Variants in CCNJL observed in about 807,000 individuals in gnomAD.
The protein encoded by CCNJL is cyclin-J-like protein.
In CCNJL, 33 loss-of-function variants were observed where a neutral mutation model predicts 33.4. That is an observed-to-expected ratio of 0.99 (90% CI 0.75 to 1.32). The LOEUF is 1.32. CCNJL is among the 40% of genes most tolerant of loss of function. The probability of loss-of-function intolerance (pLI) is 0.00; values close to 1 mark genes in which losing one functional copy is unlikely to be tolerated. For synonymous variants in CCNJL, 227 were observed against 220.9 expected (o/e 1.03, Z -0.24); for missense variants, 512 against 499.7 (o/e 1.02, Z -0.23).
chr5:160,249,322 A>G lies in CCNJL; in HGVS notation c.*4056T>C, dbSNP rs1390142991. The G allele has an allele frequency of 6.6e-6, 1 of 152,220 alleles. No homozygotes were observed. Among genetic ancestry groups the G allele is most frequent in the Non-Finnish European group, 1.5e-5 (1 of 68,034 alleles). 9.4% of individuals were successfully genotyped at this position (152,220 alleles called of 1,614,324 possible). ...TGGGAAAAATAATTTTAAAAGGTGG[A>G]AAAAGTTCTATTATGTTGACATGCT... On this transcript the variant is annotated 3_prime_UTR_variant, in exon 6 of 6. Coordinates refer to ENST00000257536, the MANE Select transcript of CCNJL (RefSeq NM_001308173.3).
chr5:160,254,307 G>A (rs1176392790), intron 5 of CCNJL: 3 of 671,088 alleles, frequency 4.5e-6, no homozygotes, highest in Admixed American at 4.5e-5. Flanking sequence ...TGACCGCTGG[G>A]GCCTAGGATT....
chr5:160,269,741 CT>C (rs1184904269), intron 3 of CCNJL, among the ~76,000 whole-genome samples: 6 of 152,158 alleles, frequency 3.9e-5, no homozygotes, highest in African/African-American at 1.4e-4. Flanking sequence ...GCGTTCTGAC[CT>C]GAATCTTCCT....
intron 1 of CCNJL, chr5:160,326,941 A>G (rs2113478197): frequency 1.6e-6 from 1 of 628,854 alleles, no homozygotes; most frequent in African/African-American, 1.8e-5. Flanking sequence ...AAAAGGACAT[A>G]ATATTACTCT....
chr5:160,298,496 G>A (rs1309544245), intron 2 of CCNJL, among the ~76,000 whole-genome samples: 1 of 152,230 alleles, frequency 6.6e-6, no homozygotes, highest in African/African-American at 2.4e-5. Context: ...ACACTCTGCT[G>A]AGAGCTGGAG....
intron 1 of CCNJL, among the ~76,000 whole-genome samples, chr5:160,320,082 T>C (rs1337381201): frequency 6.6e-6 from 1 of 152,186 alleles, no homozygotes; most frequent in African/African-American, 2.4e-5. Context: ...TGACCCTCTA[T>C]GGGCCACTTA....
intron 1 of CCNJL, among the ~76,000 whole-genome samples, chr5:160,334,688 C>G (rs1221271693): frequency 6.6e-6 from 1 of 152,206 alleles, no homozygotes; most frequent in Non-Finnish European, 1.5e-5. Flanking sequence ...CTCTCGGGAT[C>G]CATGAACTTC....
Position 160,256,690 on chromosome 5 carries a change from G to T in CCNJL, c.584-982C>A, listed in dbSNP as rs574526000. 5.9e-5 allele frequency among the ~76,000 whole-genome samples: 9 copies of T among 152,256 alleles called. No homozygotes were observed. In the South Asian group the frequency reaches 1.9e-3, roughly 32 times the overall value. On this transcript the variant is annotated intron_variant, in intron 4 of 5. Coordinates refer to ENST00000257536, the MANE Select transcript of CCNJL (RefSeq NM_001308173.3). ...CCCAGCACTTTGGGAGGCCAAGGCA[G>T]GTGGATCACGAGGTCAGGAGTTCGA... is the stretch of plus-strand genomic sequence containing the variant.
intron 2 of CCNJL, among the ~76,000 whole-genome samples, chr5:160,292,081 C>CAA (rs1181175999): frequency 6.6e-6 from 1 of 152,076 alleles, no homozygotes; most frequent in Admixed American, 6.6e-5. Context: ...CAAAACAAAA[C>CAA]AAAAACACTA....
intron 1 of CCNJL, among the ~76,000 whole-genome samples, chr5:160,334,408 C>T (rs1293039229): frequency 1.3e-5 from 2 of 152,196 alleles, no homozygotes; most frequent in African/African-American, 2.4e-5. Flanking sequence ...AAATCCATGC[C>T]GATGGCCTCA....
At chr5:160,265,863 A>G (rs1761561452) in intron 3 of CCNJL, among the ~76,000 whole-genome samples, 1 of 149,956 alleles carries the variant, frequency 6.7e-6, no homozygotes, top group Admixed American at 6.7e-5. Flanking sequence ...CAGGGGAAAA[A>G]AAAAAAAAAA....
At chr5:160,283,737 T>A (rs940040387) in intron 2 of CCNJL, among the ~76,000 whole-genome samples, 1 of 152,142 alleles carries the variant, frequency 6.6e-6, no homozygotes, top group Non-Finnish European at 1.5e-5. Context: ...ATATTTTTTG[T>A]ACCCATTAAC....
rs1368059394 is a variant in CCNJL, at chr5:160,255,571, T to C, written c.721A>G (p.Thr241Ala). 6.2e-7 allele frequency: 1 copy of C among 1,614,140 alleles called. No homozygotes were observed. Among genetic ancestry groups the C allele is most frequent in the Admixed American group, 1.7e-5 (1 of 60,018 alleles). The change falls in exon 5 of 6, where the codon ACG (threonine) becomes GCG (alanine). Residue 241 changes from threonine to alanine, a missense_variant. Coordinates refer to ENST00000257536, the MANE Select transcript of CCNJL (RefSeq NM_001308173.3). ...TACACCAGCAGGATTTCAATACACG[T>C]GCTGAGGTGCTCCAGGGAATAGCTT... ...ISSYSLEHLS[T>A]CIEILLVVYD...
Position 160,308,336 on chromosome 5 carries a change from T to C in CCNJL, c.66+3522A>G, listed in dbSNP as rs138745738. On this transcript the variant is annotated intron_variant, in intron 2 of 5. Coordinates refer to ENST00000257536, the MANE Select transcript of CCNJL (RefSeq NM_001308173.3). ...GCGAAGACTGACTTATTCATTCTCC[T>C]TGTCATTCCATACACATCGGGAAGC... 4.6e-5 allele frequency among the ~76,000 whole-genome samples: 7 copies of C among 152,344 alleles called. 1 individual carries two copies. Among genetic ancestry groups the C allele is most frequent in the African/African-American group, 1.7e-4 (7 of 41,578 alleles).
chr5:160,331,525 G>A (rs1229567443), intron 1 of CCNJL, among the ~76,000 whole-genome samples: 1 of 152,016 alleles, frequency 6.6e-6, no homozygotes, highest in Non-Finnish European at 1.5e-5. Flanking sequence ...TGCCCAGCCC[G>A]AAGCCCTGGA....
intron 4 of CCNJL, among the ~76,000 whole-genome samples, chr5:160,259,159 G>T (rs982506221): frequency 6.6e-6 from 1 of 152,132 alleles, no homozygotes; most frequent in African/African-American, 2.4e-5. Flanking sequence ...GAGAATAACC[G>T]ATCTGCAAAT....
intron 2 of CCNJL, among the ~76,000 whole-genome samples, chr5:160,310,080 C>T (rs1395464946): frequency 6.6e-6 from 1 of 152,172 alleles, no homozygotes; most frequent in Admixed American, 6.5e-5. Flanking sequence ...AAATCCTTCC[C>T]TCTAGAAAGG....
At chr5:160,269,426 G>T (rs1761741456) in intron 3 of CCNJL, 1 of 456,406 alleles carries the variant, frequency 2.2e-6, no homozygotes, top group South Asian at 1.5e-5. Context: ...GAAGGTTTCG[G>T]TGTCACTGCT....
upstream of CCNJL, among the ~76,000 whole-genome samples, chr5:160,316,612 T>C (rs111615365): frequency 9.8e-5 from 15 of 152,344 alleles, no homozygotes; most frequent in African/African-American, 3.6e-4. Flanking sequence ...TCCTCCCCAA[T>C]GATAACCAGA....
Position 160,297,347 on chromosome 5 carries a change from C to G in CCNJL, c.66+14511G>C, listed in dbSNP as rs567505425. Among the ~76,000 whole-genome samples the G allele has an allele frequency of 3.3e-5, 5 of 152,090 alleles. No individual in the cohort carries two copies. The East Asian group carries it at 9.7e-4, about 30-fold the overall frequency. The stretch of plus-strand genomic sequence containing the variant: ...TGGCCCCAGAAAATTAGCCAGAGCT[C>G]TGCCTTCCCCACAGTTGAAGCCAGC... On this transcript the variant is annotated intron_variant, in intron 2 of 5. Coordinates refer to ENST00000257536, the MANE Select transcript of CCNJL (RefSeq NM_001308173.3).
Sources: allele counts gnomAD v4.1 joint callset (sites outside exome capture counted in the v4.1 genomes callset), GRCh38; gene constraint gnomAD v4.1.1; transcripts MANE v1.5; gene names NCBI Gene and HGNC (gene_info 2026-07-23, HGNC 2026-07-21).